LRMDA: variants seen among roughly 807,000 people sequenced by gnomAD.
The protein encoded by LRMDA is leucine-rich melanocyte differentiation-associated protein.
A neutral mutation model predicts 29.8 loss-of-function variants in LRMDA; 18 were observed. The observed-to-expected ratio is 0.60, with a 90% CI of 0.42 to 0.90. The LOEUF (loss-of-function observed/expected upper bound fraction) is 0.90, where lower values mean the gene tolerates loss of function less well. Ranked by LOEUF, LRMDA falls within the 40% of genes least tolerant of loss-of-function variation. The probability of loss-of-function intolerance (pLI) is 0.00; values close to 1 mark genes in which losing one functional copy is unlikely to be tolerated. For missense variants in LRMDA, 273 were observed against 273.9 expected, an observed-to-expected ratio of 1.00 and a Z score of 0.02; for synonymous variants, 125 against 109.4, an observed-to-expected ratio of 1.14 and a Z score of -0.89.
intron 5 of LRMDA, among the ~76,000 whole-genome samples, chr10:76,203,286 T>C (rs761260836): frequency 1.2e-4 from 19 of 152,250 alleles, no homozygotes; most frequent in South Asian, 1.0e-3. Context: ...ATGGAGCAAA[T>C]AATTTCAAAG....
At chr10:76,035,971 T>G in intron 2 of LRMDA, 37 bp from the exon 3 acceptor site, 1 of 1,610,176 alleles carries the variant, frequency 6.2e-7, no homozygotes, top group Non-Finnish European at 8.5e-7. Context: ...CCTGATTTAG[T>G]GCAGGATCAT....
At chr10:75,745,133 G>A (rs956245745) in intron 2 of LRMDA, among the ~76,000 whole-genome samples, 1 of 152,282 alleles carries the variant, frequency 6.6e-6, no homozygotes, top group East Asian at 1.9e-4. Flanking sequence ...GTGTTAGGTC[G>A]AATCATGTGA....
At chr10:76,550,495 C>T (rs945281009) in intron 6 of LRMDA, among the ~76,000 whole-genome samples, 1 of 145,870 alleles carries the variant, frequency 6.9e-6, no homozygotes, top group African/African-American at 2.6e-5. Flanking sequence ...CCACCCCCGG[C>T]CCCCATGGTG....
intron 6 of LRMDA, among the ~76,000 whole-genome samples, chr10:76,490,271 T>G (rs1336011711): frequency 2.0e-5 from 3 of 152,014 alleles, no homozygotes; most frequent in Admixed American, 1.3e-4. Flanking sequence ...AGCCGTTAGA[T>G]GAAATATTCT....
rs190340164 is a variant in LRMDA at position 76,208,240 on chromosome 10, A to T, written c.517-116161A>T. On this transcript the variant is annotated intron_variant, in intron 5 of 6. Transcript: ENST00000611255. ...AAAGCAAATGTTACCGAGTTTTTTTAAAAAAAGGAAGCCAACAAATTATAT... is the reference window on the plus strand; with the variant it reads ...AAAGCAAATGTTACCGAGTTTTTTTTAAAAAAGGAAGCCAACAAATTATAT... 3.6e-3 allele frequency among the ~76,000 whole-genome samples: 554 copies of T among 152,256 alleles called. 4 individuals are homozygous for T. Among genetic ancestry groups the T allele is most frequent in the African/African-American group, 0.012 (505 of 41,558 alleles).
At chr10:76,065,993 A>C (rs184639419) in intron 5 of LRMDA, among the ~76,000 whole-genome samples, 1 of 152,312 alleles carries the variant, frequency 6.6e-6, no homozygotes, top group Non-Finnish European at 1.5e-5. Context: ...CATCCCAGCC[A>C]ACCACAGACC....
At chr10:75,966,153 T>C (rs74149848) in intron 2 of LRMDA, among the ~76,000 whole-genome samples, 2,535 of 152,286 alleles carry the variant, frequency 0.017, 52 homozygotes, top group East Asian at 0.066. Flanking sequence ...ATTTAAATGT[T>C]TATCTGTGTA....
intron 2 of LRMDA, among the ~76,000 whole-genome samples, chr10:75,993,722 G>A: frequency 6.7e-6 from 1 of 148,518 alleles, no homozygotes; most frequent in Non-Finnish European, 1.5e-5. Context: ...GACAGAGCGA[G>A]ACTTCATCTC....
At chr10:76,440,152 G>C (rs1395021147) in intron 6 of LRMDA, among the ~76,000 whole-genome samples, 1 of 152,208 alleles carries the variant, frequency 6.6e-6, no homozygotes, top group Non-Finnish European at 1.5e-5. Context: ...GTGATACCAA[G>C]GGTATGGGAG....
rs368205964 is a variant in LRMDA, at chr10:75,529,097, C to T, written c.131+90603C>T. On this transcript the variant is annotated intron_variant, in intron 2 of 6. Coordinates refer to ENST00000611255, the MANE Select transcript of LRMDA (RefSeq NM_001305581.2). Reference sequence around the variant, plus strand: ...AAGAAATGATAACTGGGAATTATTTCAGGAAATTGTTTTAGAACAGAGGGG... The same window carrying T: ...AAGAAATGATAACTGGGAATTATTTTAGGAAATTGTTTTAGAACAGAGGGG... Among the ~76,000 whole-genome samples the T allele has an allele frequency of 3.3e-5, 5 of 152,090 alleles. No homozygotes were observed. The East Asian group carries it at 9.6e-4, about 29-fold the overall frequency.
chr10:75,514,864 A>G (rs1390002110), intron 2 of LRMDA, among the ~76,000 whole-genome samples: 1 of 151,974 alleles, frequency 6.6e-6, no homozygotes, highest in Non-Finnish European at 1.5e-5. Context: ...CTTTATAACA[A>G]TACAAACAGA....
chr10:76,431,950 G>A (rs1245152518), intron 6 of LRMDA, among the ~76,000 whole-genome samples: 2 of 152,160 alleles, frequency 1.3e-5, no homozygotes, highest in East Asian at 3.8e-4. Context: ...CTTCTGCCAT[G>A]ATTGTGAGGC....
At chr10:75,580,440 A>T (rs1489181045) in intron 2 of LRMDA, among the ~76,000 whole-genome samples, 2 of 152,254 alleles carry the variant, frequency 1.3e-5, no homozygotes, top group East Asian at 3.8e-4. Context: ...ATGGAAGAAC[A>T]TTCCATGCTC....
intron 6 of LRMDA, among the ~76,000 whole-genome samples, chr10:76,395,424 A>G (rs939157773): frequency 1.3e-5 from 2 of 152,136 alleles, no homozygotes; most frequent in Non-Finnish European, 2.9e-5. Context: ...CCCATACAAC[A>G]TGGGGGATCT....
At chr10:76,388,248 C>G (rs1841683660) in intron 6 of LRMDA, among the ~76,000 whole-genome samples, 1 of 151,990 alleles carries the variant, frequency 6.6e-6, no homozygotes, top group Admixed American at 6.6e-5. Flanking sequence ...TGCTGTGTAA[C>G]AAGTTATACC....
At chr10:75,916,196 G>GT (rs58172541) in intron 2 of LRMDA, among the ~76,000 whole-genome samples, 12 of 146,612 alleles carry the variant, frequency 8.2e-5, no homozygotes, top group African/African-American at 2.5e-4. Flanking sequence ...GTGTGTGTGT[G>GT]GGTGGGTGTG....
chr10:76,023,162 TTCTTA>T (rs941166755), intron 2 of LRMDA, among the ~76,000 whole-genome samples: 1 of 152,162 alleles, frequency 6.6e-6, no homozygotes. Context: ...CCATTATGGC[TTCTTA>T]TCTTGGCAGG....
At chr10:76,345,495 A>G (rs2132425392) in intron 6 of LRMDA, among the ~76,000 whole-genome samples, 1 of 148,612 alleles carries the variant, frequency 6.7e-6, no homozygotes, top group African/African-American at 2.4e-5. Flanking sequence ...AAATTTATAT[A>G]TATAAATAAA....
chr10:75,504,530 G>A (rs375923252), intron 2 of LRMDA, among the ~76,000 whole-genome samples: 1 of 152,178 alleles, frequency 6.6e-6, no homozygotes, highest in African/African-American at 2.4e-5. Context: ...TGGAGATATT[G>A]TAAGACAGCC....
Sources: gnomAD v4.1 joint callset for allele counts (sites outside exome capture counted in the v4.1 genomes callset) on GRCh38, gnomAD v4.1.1 for gene constraint, MANE v1.5 for transcripts, NCBI Gene and HGNC (gene_info 2026-07-23, HGNC 2026-07-21) for gene names.